IQUB: variants seen among roughly 807,000 people sequenced by gnomAD.
The protein encoded by IQUB is IQ motif and ubiquitin domain containing, also known as IQ motif and ubiquitin-like domain-containing protein.
IQUB carries 86 observed loss-of-function variants against 86.4 expected under a neutral mutation model. The ratio of observed to expected loss-of-function variants is 1.00; its 90% CI spans 0.84 to 1.19. The LOEUF is 1.19. Ranked by LOEUF, IQUB falls within the 50% of genes most tolerant of loss-of-function variation. The pLI is 0.00. For missense variants in IQUB, 946 were observed against 916.9 expected (o/e 1.03, Z -0.41); for synonymous variants, 289 against 304.5 (o/e 0.95, Z 0.53).
chr7:123,531,358 A>C (rs1797531358), intron 1 of IQUB, among the ~76,000 whole-genome samples: 1 of 152,224 alleles, frequency 6.6e-6, no homozygotes, highest in Admixed American at 6.5e-5. Flanking sequence ...TCAAAGTAAA[A>C]GCATCAGCTA....
In IQUB at chr7:123,452,629, C is replaced by A; in HGVS notation, c.*114G>T. The A allele has an allele frequency of 1.6e-6, 1 of 620,532 alleles. No homozygotes were observed. The highest frequency in any genetic ancestry group is 3.2e-5 in the East Asian group (1 of 31,726). 38.4% of individuals were successfully genotyped at this position (620,532 alleles called of 1,614,324 possible). A position where few individuals can be genotyped will look rare whatever the true frequency, so the allele number is the denominator to read the frequency against. ...ATATAACTCAAAATACTATGAAAAA[C>A]AAAAAACAAAATCAATAAACAGATT... On this transcript the variant is annotated 3_prime_UTR_variant, in exon 13 of 13. Transcript: ENST00000324698.
intron 1 of IQUB, among the ~76,000 whole-genome samples, chr7:123,514,589 A>T (rs1015603432): frequency 6.6e-6 from 1 of 152,198 alleles, no homozygotes; most frequent in Non-Finnish European, 1.5e-5. Context: ...TACACTGTTT[A>T]TAATTTGTTT....
intron 8 of IQUB, among the ~76,000 whole-genome samples, chr7:123,473,201 C>T (rs1192867609): frequency 1.3e-5 from 2 of 152,204 alleles, no homozygotes; most frequent in Non-Finnish European, 2.9e-5. Context: ...TTCTTTTACA[C>T]AGCACAGGGG....
At chr7:123,494,081 C>A (rs1795608227) in intron 7 of IQUB, among the ~76,000 whole-genome samples, 1 of 151,948 alleles carries the variant, frequency 6.6e-6, no homozygotes, top group African/African-American at 2.4e-5. Flanking sequence ...CAAAACAACC[C>A]CAATTATTCT....
At chr7:123,480,712 T>G (rs149523022) in intron 7 of IQUB, among the ~76,000 whole-genome samples, 1 of 152,150 alleles carries the variant, frequency 6.6e-6, no homozygotes, top group South Asian at 2.1e-4. Flanking sequence ...TTATGTAGAA[T>G]TGTTGATTTC....
intron 7 of IQUB, among the ~76,000 whole-genome samples, chr7:123,489,026 T>C (rs539320761): frequency 2.0e-5 from 3 of 152,080 alleles, no homozygotes; most frequent in African/African-American, 7.2e-5. Flanking sequence ...AAGCCAGAAA[T>C]AAAATATACT....
chr7:123,462,906 G>C (rs1002920033), intron 10 of IQUB: 34 of 446,726 alleles, frequency 7.6e-5, no homozygotes, highest in Admixed American at 2.4e-4. Context: ...TTAAGCTACA[G>C]AATTAAACTC....
At chr7:123,522,489 G>A (rs540847243) in intron 1 of IQUB, among the ~76,000 whole-genome samples, 1 of 152,352 alleles carries the variant, frequency 6.6e-6, no homozygotes, top group African/African-American at 2.4e-5. Flanking sequence ...TGGGATATTA[G>A]TAGTTTCAAC....
intron 8 of IQUB, among the ~76,000 whole-genome samples, chr7:123,478,989 G>T (rs1794876596): frequency 6.6e-6 from 1 of 152,094 alleles, no homozygotes; most frequent in African/African-American, 2.4e-5. Flanking sequence ...AGTAGTTAAA[G>T]CCACAGATAA....
At chr7:123,483,149 A>G (rs1248959402) in intron 7 of IQUB, among the ~76,000 whole-genome samples, 1 of 151,988 alleles carries the variant, frequency 6.6e-6, no homozygotes, top group Non-Finnish European at 1.5e-5. Flanking sequence ...TTGCACTTCC[A>G]CAAGCAGGAT....
intron 7 of IQUB, among the ~76,000 whole-genome samples, chr7:123,495,295 A>T (rs572913465): frequency 2.0e-5 from 3 of 152,194 alleles, no homozygotes; most frequent in African/African-American, 4.8e-5. Flanking sequence ...CTCAATTTTT[A>T]CGTTACCAGG....
At chr7:123,523,746 G>A (rs1797030574) in intron 1 of IQUB, among the ~76,000 whole-genome samples, 1 of 152,096 alleles carries the variant, frequency 6.6e-6, no homozygotes, top group South Asian at 2.1e-4. Flanking sequence ...TGTTGCCATT[G>A]CTTTTGGTGT....
chr7:123,473,128 C>A (rs1295141631), intron 8 of IQUB, among the ~76,000 whole-genome samples: 1 of 152,112 alleles, frequency 6.6e-6, no homozygotes, highest in Non-Finnish European at 1.5e-5. Context: ...TATCAAGCCC[C>A]TAAGGACACA....
rs184191884 is a variant in IQUB at position 123,525,745 on chromosome 7, T to G, written c.-5+8747A>C. Among the ~76,000 whole-genome samples, 1,260 of 152,256 alleles carry G rather than the reference T, an allele frequency of 8.3e-3. 18 individuals carry two copies. The highest frequency in any genetic ancestry group is 0.029 in the African/African-American group (1,206 of 41,512). Reference sequence around the variant, plus strand: ...TAGTTATTTCTTGCCTTCTGCTAGCTTTTGAAAGTGTTTGCTCTTGCTTTT... The same window carrying G: ...TAGTTATTTCTTGCCTTCTGCTAGCGTTTGAAAGTGTTTGCTCTTGCTTTT... On this transcript the variant is annotated intron_variant, in intron 1 of 12. Coordinates refer to ENST00000324698, the MANE Select transcript of IQUB (RefSeq NM_178827.5).
chr7:123,481,839 A>G (rs1306338583), intron 7 of IQUB, among the ~76,000 whole-genome samples: 3 of 152,160 alleles, frequency 2.0e-5, no homozygotes, highest in African/African-American at 7.2e-5. Context: ...AATATTTTAA[A>G]TAGTGCAGAA....
At chr7:123,530,570 A>G (rs570941591) in intron 1 of IQUB, among the ~76,000 whole-genome samples, 1 of 152,204 alleles carries the variant, frequency 6.6e-6, no homozygotes, top group African/African-American at 2.4e-5. Context: ...TGGTGTTCAC[A>G]ATGTCAATTT....
chr7:123,460,207 AT>A (rs779849566), intron 11 of IQUB, among the ~76,000 whole-genome samples: 55 of 152,052 alleles, frequency 3.6e-4, no homozygotes, highest in African/African-American at 1.2e-3. Context: ...CAGAATGGAA[AT>A]AATGCCTATT....
Position 123,461,432 on chromosome 7 carries a change from G to C in IQUB, c.1932C>G (p.Tyr644Ter). 1.2e-6 allele frequency: 2 copies of C among 1,611,590 alleles called. No individual in the cohort carries two copies. Among genetic ancestry groups the C allele is most frequent in the Non-Finnish European group, 1.7e-6 (2 of 1,178,240 alleles). ...AGTAGAGCTGTTGAAGTAAACATTT[G>C]TACTTCAAAAATGATTCTCGTTTTT... ...EAQKRESFLKYKCLLQQLYYT... is the reference protein window; with the variant it reads ...EAQKRESFLK The change falls in exon 11 of 13, where the codon TAC becomes TAG. Residue 644 changes from tyrosine to a stop codon, truncating the protein, a stop_gained. Transcript: ENST00000324698. LOFTEE classifies it high-confidence loss of function.
intron 7 of IQUB, among the ~76,000 whole-genome samples, chr7:123,485,392 A>G (rs1795176972): frequency 6.6e-6 from 1 of 152,142 alleles, no homozygotes; most frequent in African/African-American, 2.4e-5. Context: ...TCTCTTTAAA[A>G]GCCCTCTCCA....
Sources: allele counts gnomAD v4.1 joint callset (sites outside exome capture counted in the v4.1 genomes callset), GRCh38; gene constraint gnomAD v4.1.1; transcripts MANE v1.5; gene names NCBI Gene and HGNC (gene_info 2026-07-23, HGNC 2026-07-21).